Variants in GHR observed in about 807,000 individuals in gnomAD.
GHR encodes GH receptor.
A neutral mutation model predicts 67.1 loss-of-function variants in GHR; 35 were observed. That is an observed-to-expected ratio of 0.52 (90% CI 0.40 to 0.69). GHR has a LOEUF of 0.69. Among genes scored for constraint, GHR ranks in the 30% least tolerant of loss-of-function variants. The pLI is 0.00. For missense variants in GHR, 792 were observed against 764.6 expected, an observed-to-expected ratio of 1.04 and a Z score of -0.42; for synonymous variants, 272 against 269.1, an observed-to-expected ratio of 1.01 and a Z score of -0.10.
intron 1 of GHR, among the ~76,000 whole-genome samples, chr5:42,547,730 GT>G (rs1225132672): frequency 6.6e-6 from 1 of 152,130 alleles, no homozygotes; most frequent in Non-Finnish European, 1.5e-5. Context: ...TTTTCTAGGG[GT>G]TTTCTGTAAA....
rs771232697 is a variant in GHR at position 42,688,884 on chromosome 5, C to T, written c.137-6C>T. 1 of 1,613,478 alleles carries T rather than the reference C, an allele frequency of 6.2e-7. No individual in the cohort carries two copies. Among genetic ancestry groups the T allele is most frequent in the Middle Eastern group, 1.7e-4 (1 of 6,058 alleles). On this transcript the variant is annotated splice_polypyrimidine_tract_variant and splice_region_variant and intron_variant, in intron 3 of 9. Coordinates refer to ENST00000230882, the MANE Select transcript of GHR (RefSeq NM_000163.5). ...TCATGCCTTGCCTTTTCTTTTTATT[C>T]TGCAGATTCTTCTAAGGAGCCTAAA...
At chr5:42,681,239 T>C (rs1425992779) in intron 3 of GHR, among the ~76,000 whole-genome samples, 2 of 142,726 alleles carry the variant, frequency 1.4e-5, no homozygotes, top group African/African-American at 5.2e-5. Context: ...ATCCAGAATC[T>C]ACAAAGAACT....
chr5:42,484,867 C>T (rs1211821552), intron 1 of GHR, among the ~76,000 whole-genome samples: 5 of 152,202 alleles, frequency 3.3e-5, no homozygotes, highest in Admixed American at 2.6e-4. Context: ...TTCACAGAGG[C>T]AGTCCTTCTG....
chr5:42,688,875 C>G lies in GHR; in HGVS notation c.137-15C>G, dbSNP rs369896802. 1 of 1,613,122 alleles carries G rather than the reference C, an allele frequency of 6.2e-7. No individual in the cohort carries two copies. The highest frequency in any genetic ancestry group is 1.3e-5 in the African/African-American group (1 of 74,904). The stretch of plus-strand genomic sequence containing the variant: ...CACCTGATTTCATGCCTTGCCTTTT[C>G]TTTTTATTCTGCAGATTCTTCTAAG... On this transcript the variant is annotated splice_polypyrimidine_tract_variant and intron_variant, in intron 3 of 9. Transcript: ENST00000230882.
intron 1 of GHR, among the ~76,000 whole-genome samples, chr5:42,432,575 C>A (rs540715303): frequency 1.3e-5 from 2 of 152,212 alleles, no homozygotes; most frequent in South Asian, 4.2e-4. Context: ...TCTAAGTTGG[C>A]CAAACTAATG....
chr5:42,570,087 T>C (rs1054360081), intron 2 of GHR, among the ~76,000 whole-genome samples: 1 of 151,610 alleles, frequency 6.6e-6, no homozygotes, highest in African/African-American at 2.4e-5. Context: ...TCCACAGAGC[T>C]CTGAGAGGAT....
intron 1 of GHR, among the ~76,000 whole-genome samples, chr5:42,444,400 A>C (rs572855133): frequency 2.5e-4 from 38 of 152,366 alleles, no homozygotes; most frequent in African/African-American, 9.1e-4. Context: ...GATGGCAGCT[A>C]TAAATATTAA....
rs75400817 is a variant in GHR, at chr5:42,695,475, G to A, written c.439+386G>A. ...CTTATATTCAAATTCACTGAAATAC[G>A]TTGGCCTTTGACCTCTACCATTGCT... On this transcript the variant is annotated intron_variant, in intron 5 of 9. Coordinates refer to ENST00000230882, the MANE Select transcript of GHR (RefSeq NM_000163.5). Among the ~76,000 whole-genome samples, 1,431 of 152,144 alleles carry A rather than the reference G, an allele frequency of 9.4e-3. 21 individuals are homozygous for A. The highest frequency in any genetic ancestry group is 0.029 in the African/African-American group (1,199 of 41,494).
intron 1 of GHR, among the ~76,000 whole-genome samples, chr5:42,477,569 G>C (rs1478551656): frequency 6.6e-6 from 1 of 152,058 alleles, no homozygotes; most frequent in Non-Finnish European, 1.5e-5. Flanking sequence ...TTTAATGATC[G>C]CCATTCCAAC....
At chr5:42,551,063 G>A (rs374838670) in intron 1 of GHR, among the ~76,000 whole-genome samples, 47 of 152,194 alleles carry the variant, frequency 3.1e-4, no homozygotes, top group African/African-American at 1.1e-3. Context: ...TATATCCACT[G>A]ACAGATCCCC....
intron 1 of GHR, among the ~76,000 whole-genome samples, chr5:42,477,783 G>C (rs6451621): frequency 0.5 from 76,004 of 151,952 alleles, 20,010 homozygotes; most frequent in African/African-American, 0.64. Context: ...CTGCATATTA[G>C]CCCTTTGTCA....
intron 1 of GHR, among the ~76,000 whole-genome samples, chr5:42,538,525 G>A (rs1449723730): frequency 2.0e-5 from 3 of 152,130 alleles, no homozygotes; most frequent in Non-Finnish European, 4.4e-5. Context: ...TAGCTTGCAG[G>A]GTTTCTGATG....
chr5:42,651,810 A>G (rs1364173944), intron 3 of GHR, among the ~76,000 whole-genome samples: 1 of 152,152 alleles, frequency 6.6e-6, no homozygotes, highest in Non-Finnish European at 1.5e-5. Flanking sequence ...CCAATAGTAT[A>G]TTCACCTCAC....
At chr5:42,627,844 G>A (rs1475854120) in intron 2 of GHR, among the ~76,000 whole-genome samples, 1 of 152,238 alleles carries the variant, frequency 6.6e-6, no homozygotes, top group African/African-American at 2.4e-5. Context: ...AGCAAAGGCA[G>A]AGGGCCAGTG....
chr5:42,678,511 T>TA (rs575183058), intron 3 of GHR, among the ~76,000 whole-genome samples: 2 of 152,134 alleles, frequency 1.3e-5, no homozygotes, highest in South Asian at 2.1e-4. Flanking sequence ...CATGCTGTCA[T>TA]AAAAAAACGT....
At chr5:42,646,735 G>A (rs1247872895) in intron 3 of GHR, among the ~76,000 whole-genome samples, 1 of 152,112 alleles carries the variant, frequency 6.6e-6, no homozygotes, top group Non-Finnish European at 1.5e-5. Context: ...TGAGGTGCTT[G>A]GTGACGTCCT....
At chr5:42,525,884 G>A (rs1747686643) in intron 1 of GHR, among the ~76,000 whole-genome samples, 1 of 152,122 alleles carries the variant, frequency 6.6e-6, no homozygotes, top group African/African-American at 2.4e-5. Flanking sequence ...TTTGCCTCCT[G>A]CCATGATTTG....
intron 2 of GHR, among the ~76,000 whole-genome samples, chr5:42,611,313 G>A (rs1470535623): frequency 6.6e-6 from 1 of 152,052 alleles, no homozygotes; most frequent in Non-Finnish European, 1.5e-5. Flanking sequence ...TTAGCCTGAA[G>A]TTTAGAGTCT....
At chr5:42,452,300 T>C (rs1390025316) in intron 1 of GHR, among the ~76,000 whole-genome samples, 2 of 152,218 alleles carry the variant, frequency 1.3e-5, no homozygotes, top group Non-Finnish European at 2.9e-5. Context: ...TCTTTATAGG[T>C]TACCTGATGC....
Sources: gnomAD v4.1 joint callset for allele counts (sites outside exome capture counted in the v4.1 genomes callset) on GRCh38, gnomAD v4.1.1 for gene constraint, MANE v1.5 for transcripts, NCBI Gene and HGNC (gene_info 2026-07-23, HGNC 2026-07-21) for gene names.